The following OR4D10 variants were observed in gnomAD, a reference collection of about 807,000 sequenced individuals.
The protein encoded by OR4D10 is olfactory receptor family 4 subfamily D member 10, also known as olfactory receptor 4D10.
For missense variants in OR4D10, 395 were observed against 378.0 expected (o/e 1.04, Z -0.37); for synonymous variants, 188 against 153.2 (o/e 1.23, Z -1.68).
At chr11:59,476,070 G>A (rs1412250960) in intron 2 of OR4D10, among the ~76,000 whole-genome samples, 4 of 152,194 alleles carry the variant, frequency 2.6e-5, no homozygotes, top group Non-Finnish European at 5.9e-5. Context: ...CTGTGAGTTT[G>A]AGAAAATGAG....
chr11:59,475,441 C>G (rs2134558242), intron 2 of OR4D10, among the ~76,000 whole-genome samples: 1 of 152,220 alleles, frequency 6.6e-6, no homozygotes, highest in East Asian at 1.9e-4. Flanking sequence ...GGGAAAACTT[C>G]CCCTCCTCTA....
intron 2 of OR4D10, among the ~76,000 whole-genome samples, chr11:59,474,823 G>A (rs574943652): frequency 5.3e-5 from 8 of 151,928 alleles, no homozygotes; most frequent in Non-Finnish European, 1.0e-4. Flanking sequence ...TTGGGAGGCC[G>A]AGGCGGGCGG....
chr11:59,479,192 G>A lies in OR4D10; in HGVS notation c.*827G>A, dbSNP rs964844593. On this transcript the variant is annotated 3_prime_UTR_variant, in exon 3 of 3. Coordinates refer to ENST00000530162, the MANE Select transcript of OR4D10 (RefSeq NM_001004705.2). ...TTACTGGGCAGTGACTTCCCCAGGA[G>A]CAGGGATTATGTTTTATTTACTGTC... 6.6e-6 allele frequency: 1 copy of A among 152,102 alleles called. No individual in the cohort carries two copies. Among genetic ancestry groups the A allele is most frequent in the Non-Finnish European group, 1.5e-5 (1 of 68,016 alleles). 9.4% of individuals were successfully genotyped at this position (152,102 alleles called of 1,614,324 possible).
chr11:59,474,844 C>T lies in OR4D10; in HGVS notation c.-169+1051C>T, dbSNP rs557489585. Among the ~76,000 whole-genome samples the T allele has an allele frequency of 9.6e-4, 145 of 151,688 alleles. 1 individual carries two copies. The highest frequency in any genetic ancestry group is 3.3e-3 in the African/African-American group (138 of 41,352). On this transcript the variant is annotated intron_variant, in intron 2 of 2. Transcript: ENST00000530162. ...GGCCGAGGCGGGCGGATCACGAGGT[C>T]AGGAGATCGAGACCATCCTGGCTAA...
Position 59,474,155 on chromosome 11 carries a change from C to T in OR4D10, c.-169+362C>T, listed in dbSNP as rs1319144970. On this transcript the variant is annotated intron_variant, in intron 2 of 2. Transcript: ENST00000530162. ...TATTCCATATGAAAGACAAGATTTA[C>T]ACTAGTGCAGACTTACCTAATGGGT... 1.3e-5 allele frequency among the ~76,000 whole-genome samples: 2 copies of T among 152,154 alleles called. 1 individual carries two copies. Among genetic ancestry groups the T allele is most frequent in the Non-Finnish European group, 2.9e-5 (2 of 68,030 alleles).
At position 59,477,472 on chromosome 11, in the gene OR4D10, C is replaced by T. The variant is rs189900879; in HGVS notation, c.43C>T (p.Leu15Phe). 394 of 1,602,408 alleles carry T rather than the reference C, an allele frequency of 2.5e-4. No homozygotes were observed. Among genetic ancestry groups the T allele is most frequent in the Non-Finnish European group, 2.4e-4 (277 of 1,174,190 alleles). Residue 15 changes from leucine to phenylalanine, a missense_variant, in exon 3 of 3, where the codon CTT becomes TTT. By Grantham distance (22) the Leu-to-Phe change is conservative. Transcript: ENST00000530162. ...NCTRVKEFIFLGLTQNREVSL... is the reference protein window; with the variant it reads ...NCTRVKEFIFFGLTQNREVSL... ...CACCAGGGTAAAAGAATTTATTTTC[C>T]TTGGCCTGACCCAGAATCGGGAAGT...
intron 2 of OR4D10, among the ~76,000 whole-genome samples, chr11:59,474,110 C>A (rs970878524): frequency 6.6e-6 from 1 of 152,196 alleles, no homozygotes; most frequent in South Asian, 2.1e-4. Context: ...TCTTTCTTCA[C>A]CCAACAAAGA....
Position 59,473,521 on chromosome 11 carries a change from C to T in OR4D10, c.-344C>T, listed in dbSNP as rs1858867472. On this transcript the variant is annotated 5_prime_UTR_variant, in exon 1 of 3. Transcript: ENST00000530162. ...AGAGCAAAGACACTGCGATATTTAG[C>T]ATAGCAAAGGGCTTAACTTTTAAAC... is the stretch of plus-strand genomic sequence containing the variant. 6.6e-6 allele frequency: 1 copy of T among 152,212 alleles called. No homozygotes were observed. Among genetic ancestry groups the T allele is most frequent in the East Asian group, 1.9e-4 (1 of 5,194 alleles). 9.4% of individuals were successfully genotyped at this position (152,212 alleles called of 1,614,324 possible). A position where few individuals can be genotyped will look rare whatever the true frequency, so the allele number is the denominator to read the frequency against.
At position 59,478,363 on chromosome 11, in the gene OR4D10, T is replaced by C; in HGVS notation, c.934T>C (p.Ter312GlnextTer36). ...AAGACTTGTGCCTTCTGATAGAAAA[T>C]AGAAAAAAAAATCCTCAGCTCTTCA... The part of the protein sequence containing the change: ...KRRLVPSDRK[*>Q] The change falls in exon 3 of 3, where the codon TAG becomes CAG. Residue 312 changes from the stop codon to glutamine, a stop_lost. Transcript: ENST00000530162. 6.4e-7 allele frequency: 1 copy of C among 1,556,878 alleles called. No homozygotes were observed. The highest frequency in any genetic ancestry group is 8.7e-7 in the Non-Finnish European group (1 of 1,155,620).
At position 59,477,385 on chromosome 11, in the gene OR4D10, C is replaced by A. The variant is rs756315809; in HGVS notation, c.-45C>A. ...AACAAAATAAATATCCCAGTGCTTT[C>A]ACATGACATGGTTTAAAACCAAAGA... On this transcript the variant is annotated 5_prime_UTR_variant, in exon 3 of 3. Coordinates refer to ENST00000530162, the MANE Select transcript of OR4D10 (RefSeq NM_001004705.2). The A allele has an allele frequency of 7.2e-7, 1 of 1,395,370 alleles. No individual in the cohort carries two copies. Among genetic ancestry groups the A allele is most frequent in the Admixed American group, 2.3e-5 (1 of 42,902 alleles). The allele number at this position is 1,395,370 out of a possible 1,614,324, so 86.4% of individuals were successfully genotyped here. A position where few individuals can be genotyped will look rare whatever the true frequency, so the allele number is the denominator to read the frequency against.
At chr11:59,474,778 C>A (rs1191777901) in intron 2 of OR4D10, among the ~76,000 whole-genome samples, 2 of 151,952 alleles carry the variant, frequency 1.3e-5, no homozygotes, top group African/African-American at 2.4e-5. Flanking sequence ...TCCAAGGGAC[C>A]GGGCGCAGAG....
Position 59,477,394 on chromosome 11 carries a change from T to C in OR4D10, c.-36T>C. ...AATATCCCAGTGCTTTCACATGACA[T>C]GGTTTAAAACCAAAGAGAATAAAGA... On this transcript the variant is annotated 5_prime_UTR_variant, in exon 3 of 3. The change abolishes an upstream ATG in the 5' untranslated region. Transcript: ENST00000530162. The C allele has an allele frequency of 3.5e-6, 5 of 1,443,776 alleles. No homozygotes were observed. Among genetic ancestry groups the C allele is most frequent in the African/African-American group, 1.4e-5 (1 of 70,584 alleles). 89.4% of individuals were successfully genotyped at this position (1,443,776 alleles called of 1,614,324 possible).
At chr11:59,476,517 A>G (rs1328291783) in intron 2 of OR4D10, among the ~76,000 whole-genome samples, 1 of 151,930 alleles carries the variant, frequency 6.6e-6, no homozygotes, top group African/African-American at 2.4e-5. Flanking sequence ...AGTAGCTGGG[A>G]CCACAGGTGT....
chr11:59,474,531 A>G (rs530919539), intron 2 of OR4D10, among the ~76,000 whole-genome samples: 108 of 152,348 alleles, frequency 7.1e-4, no homozygotes, highest in African/African-American at 2.5e-3. Context: ...ATTATTCGAA[A>G]GATGACAATA....
At chr11:59,475,748 A>G (rs1353744329) in intron 2 of OR4D10, among the ~76,000 whole-genome samples, 1 of 152,232 alleles carries the variant, frequency 6.6e-6, no homozygotes, top group Non-Finnish European at 1.5e-5. Flanking sequence ...ATGTAATCAA[A>G]TCCAACATTA....
intron 2 of OR4D10, among the ~76,000 whole-genome samples, chr11:59,474,742 A>C (rs1858881797): frequency 6.6e-6 from 1 of 152,100 alleles, no homozygotes; most frequent in Non-Finnish European, 1.5e-5. Flanking sequence ...CTAGAAGTTC[A>C]TGGATCAGAG....
At chr11:59,474,097 C>T (rs1175106327) in intron 2 of OR4D10, among the ~76,000 whole-genome samples, 4 of 152,210 alleles carry the variant, frequency 2.6e-5, no homozygotes, top group Admixed American at 2.0e-4. Flanking sequence ...CCATTTCATA[C>T]GTTCTTTCTT....
At chr11:59,474,498 A>T (rs1858878417) in intron 2 of OR4D10, among the ~76,000 whole-genome samples, 1 of 152,212 alleles carries the variant, frequency 6.6e-6, no homozygotes, top group Non-Finnish European at 1.5e-5. Context: ...CCAAATGACC[A>T]ATGACAGCTT....
In OR4D10 at chr11:59,477,293, C is replaced by T; in HGVS notation, c.-137C>T. On this transcript the variant is annotated 5_prime_UTR_variant, in exon 3 of 3. An upstream open reading frame in the 5' UTR gains an earlier in-frame stop. Coordinates refer to ENST00000530162, the MANE Select transcript of OR4D10 (RefSeq NM_001004705.2). ...TGAAATCTGAAAAACGTGAACAATG[C>T]AACAAACTGCAAAAACTACAACCGC... The T allele has an allele frequency of 1.7e-6, 1 of 574,526 alleles. No individual in the cohort carries two copies. Among genetic ancestry groups the T allele is most frequent in the Admixed American group, 3.5e-5 (1 of 28,628 alleles). The allele number at this position is 574,526 out of a possible 1,614,324, so 35.6% of individuals were successfully genotyped here. A position where few individuals can be genotyped will look rare whatever the true frequency, so the allele number is the denominator to read the frequency against.
Sources: gnomAD v4.1 joint callset for allele counts (sites outside exome capture counted in the v4.1 genomes callset) on GRCh38, gnomAD v4.1.1 for gene constraint, MANE v1.5 for transcripts, NCBI Gene and HGNC (gene_info 2026-07-23, HGNC 2026-07-21) for gene names.